EPHA6: variants seen among roughly 807,000 people sequenced by gnomAD.
The protein encoded by EPHA6 is ephrin type-A receptor 6.
EPHA6 carries 50 observed loss-of-function variants against 112.0 expected under a neutral mutation model. The ratio of observed to expected loss-of-function variants is 0.45; its 90% CI spans 0.36 to 0.56. EPHA6 has a LOEUF of 0.56. Ranked by LOEUF, EPHA6 falls within the 20% of genes least tolerant of loss-of-function variation. The pLI is 0.00. For synonymous variants in EPHA6, 529 were observed against 490.7 expected, an observed-to-expected ratio of 1.08 and a Z score of -1.03; for missense variants, 1,280 against 1,417.4, an observed-to-expected ratio of 0.90 and a Z score of 1.56.
chr3:96,937,352 G>T (rs1478130604), intron 2 of EPHA6, among the ~76,000 whole-genome samples: 2 of 152,128 alleles, frequency 1.3e-5, no homozygotes, highest in Non-Finnish European at 2.9e-5. Flanking sequence ...TTTCTCTGAT[G>T]GCCAGTGATG....
chr3:96,991,479 C>T (rs140755644), intron 3 of EPHA6, among the ~76,000 whole-genome samples: 85 of 152,218 alleles, frequency 5.6e-4, no homozygotes, highest in African/African-American at 1.9e-3. Context: ...CCAAGCTTTC[C>T]TGGAGCGTAG....
At chr3:97,151,155 ACTTTTATCTATT>A (rs2076162454) in intron 3 of EPHA6, among the ~76,000 whole-genome samples, 1 of 152,080 alleles carries the variant, frequency 6.6e-6, no homozygotes, top group Non-Finnish European at 1.5e-5. Flanking sequence ...CCAAGCCTGT[ACTTTTATCTATT>A]CCTAAAATAC....
At chr3:97,745,282 C>T (rs796722181) in intron 16 of EPHA6, 4 of 389,022 alleles carry the variant, frequency 1.0e-5, no homozygotes, top group African/African-American at 2.1e-5. Context: ...TGAATAAATA[C>T]AGCAACAATT....
At chr3:97,706,007 A>C (rs780124697) in intron 14 of EPHA6, among the ~76,000 whole-genome samples, 1 of 152,302 alleles carries the variant, frequency 6.6e-6, no homozygotes, top group South Asian at 2.1e-4. Context: ...CCTGAGCAAA[A>C]CAAGCTGGAA....
chr3:97,748,533 C>G (rs2035807913), intron 17 of EPHA6, 54 bp from the exon 18 acceptor site: 2 of 829,094 alleles, frequency 2.4e-6, no homozygotes, highest in Non-Finnish European at 4.2e-6. Flanking sequence ...CTCTCTCTCT[C>G]TCTCTTTCTT....
intron 2 of EPHA6, among the ~76,000 whole-genome samples, chr3:96,943,057 A>G (rs1479835363): frequency 6.6e-6 from 1 of 150,940 alleles, no homozygotes; most frequent in Non-Finnish European, 1.5e-5. Flanking sequence ...TATAAGATCA[A>G]CTCTTTTAGA....
intron 5 of EPHA6, among the ~76,000 whole-genome samples, chr3:97,366,130 A>G (rs1400495017): frequency 2.0e-5 from 3 of 152,188 alleles, no homozygotes; most frequent in African/African-American, 7.2e-5. Context: ...GAGATACCAC[A>G]TAGATTTAAG....
At chr3:97,220,335 A>G (rs1013471877) in intron 3 of EPHA6, among the ~76,000 whole-genome samples, 7 of 152,182 alleles carry the variant, frequency 4.6e-5, no homozygotes, top group Non-Finnish European at 7.3e-5. Context: ...ACCCATTTCC[A>G]AAGACGCTTC....
intron 7 of EPHA6, among the ~76,000 whole-genome samples, chr3:97,453,072 C>A (rs1169944317): frequency 6.6e-6 from 1 of 151,608 alleles, no homozygotes; most frequent in Non-Finnish European, 1.5e-5. Context: ...TTATTTAAAG[C>A]ACTAGCAAGA....
At chr3:96,939,853 G>A (rs567987493) in intron 2 of EPHA6, among the ~76,000 whole-genome samples, 4 of 152,184 alleles carry the variant, frequency 2.6e-5, no homozygotes, top group East Asian at 1.9e-4. Flanking sequence ...CCTTCATTTT[G>A]TTATGTACCC....
At chr3:96,966,274 A>T (rs1028214289) in intron 2 of EPHA6, among the ~76,000 whole-genome samples, 3 of 152,064 alleles carry the variant, frequency 2.0e-5, no homozygotes, top group Admixed American at 1.3e-4. Flanking sequence ...ACAGTAACCC[A>T]TCCAAGGGCA....
chr3:97,168,893 G>A (rs1378669833), intron 3 of EPHA6, among the ~76,000 whole-genome samples: 2 of 152,134 alleles, frequency 1.3e-5, no homozygotes, highest in Non-Finnish European at 2.9e-5. Flanking sequence ...GTAAGTAATG[G>A]GCAGGGGTTG....
chr3:97,190,691 A>T (rs1233402520), intron 3 of EPHA6, among the ~76,000 whole-genome samples: 2 of 152,086 alleles, frequency 1.3e-5, no homozygotes, highest in African/African-American at 4.8e-5. Context: ...GCTAATTAAT[A>T]TATCCATTAT....
chr3:96,828,020 C>T (rs933339167), intron 1 of EPHA6, among the ~76,000 whole-genome samples: 8 of 152,024 alleles, frequency 5.3e-5, no homozygotes, highest in Non-Finnish European at 1.0e-4. Context: ...GATGTTAACT[C>T]CCTCTTCATC....
intron 13 of EPHA6, among the ~76,000 whole-genome samples, chr3:97,615,443 G>T (rs2093757580): frequency 6.6e-6 from 1 of 152,120 alleles, no homozygotes; most frequent in Non-Finnish European, 1.5e-5. Context: ...CCTGAAAAGG[G>T]AGCTGAATCC....
intron 2 of EPHA6, among the ~76,000 whole-genome samples, chr3:96,882,425 A>C (rs1389437745): frequency 6.6e-6 from 1 of 152,110 alleles, no homozygotes; most frequent in East Asian, 1.9e-4. Flanking sequence ...TTTAGTGGTG[A>C]TTTGTGAGAT....
intron 3 of EPHA6, among the ~76,000 whole-genome samples, chr3:97,056,500 T>G (rs1460916915): frequency 6.6e-6 from 1 of 152,168 alleles, no homozygotes; most frequent in Non-Finnish European, 1.5e-5. Flanking sequence ...TCCCTCAGTT[T>G]GGAAATGTTT....
At chr3:97,204,505 T>C (rs1377414710) in intron 3 of EPHA6, among the ~76,000 whole-genome samples, 1 of 152,098 alleles carries the variant, frequency 6.6e-6, no homozygotes, top group Non-Finnish European at 1.5e-5. Context: ...AGTTAGTAAG[T>C]GGATGGGCCA....
intron 1 of EPHA6, among the ~76,000 whole-genome samples, chr3:96,835,210 T>A (rs2034333466): frequency 6.6e-6 from 1 of 152,104 alleles, no homozygotes; most frequent in African/African-American, 2.4e-5. Flanking sequence ...GATACAAATA[T>A]GAGTAAATTT....
Sources: gnomAD v4.1 joint callset for allele counts (sites outside exome capture counted in the v4.1 genomes callset) on GRCh38, gnomAD v4.1.1 for gene constraint, MANE v1.5 for transcripts, NCBI Gene and HGNC (gene_info 2026-07-23, HGNC 2026-07-21) for gene names.